MACO1: variants seen among roughly 807,000 people sequenced by gnomAD.
MACO1 encodes macoilin 1, also known as macoilin.
A neutral mutation model predicts 78.7 loss-of-function variants in MACO1; 14 were observed. The ratio of observed to expected loss-of-function variants is 0.18; its 90% CI spans 0.12 to 0.28. The LOEUF (loss-of-function observed/expected upper bound fraction) is 0.28, where lower values mean the gene tolerates loss of function less well. MACO1 is among the 10% of genes least tolerant of loss of function. The probability of loss-of-function intolerance (pLI) is 1.00; values close to 1 mark genes in which losing one functional copy is unlikely to be tolerated. For synonymous variants in MACO1, 288 were observed against 291.6 expected, an observed-to-expected ratio of 0.99 and a Z score of 0.12; for missense variants, 501 against 799.0, an observed-to-expected ratio of 0.63 and a Z score of 4.50.
rs367979747 is a variant in MACO1, at chr1:25,454,490, T to A, written c.473+108T>A. ...TGTGTGTATATATATATATATATAT[T>A]TTTTTTTTTTTTAGACGGAGTCTTG... On this transcript the variant is annotated intron_variant, in intron 4 of 10. Coordinates refer to ENST00000374343, the MANE Select transcript of MACO1 (RefSeq NM_018202.6). 1,101 of 139,200 alleles carry A rather than the reference T, an allele frequency of 7.9e-3. 22 individuals carry two copies. The highest frequency in any genetic ancestry group is 0.033 in the African/African-American group (802 of 24,652). The allele number at this position is 139,200 out of a possible 1,614,324, so 8.6% of individuals were successfully genotyped here.
At chr1:25,450,756 C>T (rs573318641) in intron 3 of MACO1, among the ~76,000 whole-genome samples, 45 of 152,146 alleles carry the variant, frequency 3.0e-4, no homozygotes, top group Non-Finnish European at 4.7e-4. Flanking sequence ...AGTGATTTTT[C>T]TTCCCACCAG....
intron 10 of MACO1, 120 bp from the exon 11 acceptor site, chr1:25,498,144 A>C (rs2043554030): frequency 2.0e-6 from 2 of 976,088 alleles, no homozygotes; most frequent in East Asian, 4.9e-5. Flanking sequence ...GCCTGCTCTT[A>C]TAAATCACTG....
chr1:25,487,812 A>G (rs1332383228), intron 8 of MACO1, among the ~76,000 whole-genome samples: 1 of 152,136 alleles, frequency 6.6e-6, no homozygotes, highest in Non-Finnish European at 1.5e-5. Flanking sequence ...GTATTGTCTC[A>G]AGTCTCATGG....
chr1:25,446,515 T>C (rs1263311253), intron 1 of MACO1, among the ~76,000 whole-genome samples: 1 of 152,200 alleles, frequency 6.6e-6, no homozygotes, highest in Admixed American at 6.5e-5. Flanking sequence ...ATGGTTTTTT[T>C]CCATCTTAAG....
intron 1 of MACO1, among the ~76,000 whole-genome samples, chr1:25,444,291 G>A (rs1003037401): frequency 2.0e-5 from 3 of 151,592 alleles, no homozygotes; most frequent in African/African-American, 7.3e-5. Context: ...AAGAGATGGG[G>A]GTCTCACTTT....
chr1:25,485,859 G>C lies in MACO1; in HGVS notation c.1496+64G>C. ...CTTTCCTTTACCAACAAAGACATGG[G>C]AATTTGGTGCCTTGGGCAGGATTGG... On this transcript the variant is annotated intron_variant, in intron 8 of 10. Transcript: ENST00000374343. The surrounding 1 kb of genome is among the most constrained non-coding windows in gnomAD (Gnocchi z 4.3). The C allele has an allele frequency of 6.5e-7, 1 of 1,538,784 alleles. No individual in the cohort carries two copies. Among genetic ancestry groups the C allele is most frequent in the East Asian group, 2.3e-5 (1 of 44,352 alleles).
At chr1:25,433,379 A>G (rs1396507299) in intron 1 of MACO1, among the ~76,000 whole-genome samples, 1 of 152,212 alleles carries the variant, frequency 6.6e-6, no homozygotes, top group African/African-American at 2.4e-5. Context: ...TTGAGGATTC[A>G]TGAATATCAA....
At position 25,489,241 on chromosome 1, in the gene MACO1, T is replaced by C. The variant is rs369878837; in HGVS notation, c.1565T>C (p.Met522Thr). Reference protein sequence around the residue: ...ELEAEGKKLTMDMKVKEDQIR... With the variant: ...ELEAEGKKLTTDMKVKEDQIR... ...GAAGCAGAGGGCAAGAAGCTCACGATGGACATGAAGGTGAAAGAAGACCAA... is the reference window on the plus strand; with the variant it reads ...GAAGCAGAGGGCAAGAAGCTCACGACGGACATGAAGGTGAAAGAAGACCAA... The change falls in exon 9 of 11, where the codon ATG becomes ACG. Residue 522 changes from methionine (M) to threonine (T), a missense_variant. Around this residue, in one of 5 missense-constraint regions of MACO1, gnomAD observed 163 missense variants for 271.9 expected, o/e 0.60. Transcript: ENST00000374343. 6.8e-5 allele frequency: 110 copies of C among 1,614,008 alleles called. No individual in the cohort carries two copies. Among genetic ancestry groups the C allele is most frequent in the Non-Finnish European group, 9.2e-5 (109 of 1,180,006 alleles).
chr1:25,459,913 G>T (rs1243336304), intron 6 of MACO1, among the ~76,000 whole-genome samples: 1 of 152,122 alleles, frequency 6.6e-6, no homozygotes, highest in African/African-American at 2.4e-5. Flanking sequence ...GATCTAAACT[G>T]GAGCTTTTTT....
chr1:25,437,136 CTT>C (rs35287453), intron 1 of MACO1, among the ~76,000 whole-genome samples: 7,389 of 136,580 alleles, frequency 0.054, 563 homozygotes, highest in African/African-American at 0.19. Flanking sequence ...CTTCAAAACA[CTT>C]TTTTTTTTTT....
At chr1:25,458,150 A>G (rs2043139252) in intron 5 of MACO1, among the ~76,000 whole-genome samples, 1 of 152,226 alleles carries the variant, frequency 6.6e-6, no homozygotes, top group African/African-American at 2.4e-5. Flanking sequence ...CATCATTTTC[A>G]TAAATGATGA....
chr1:25,448,282 G>C (rs1186081602), intron 2 of MACO1, among the ~76,000 whole-genome samples: 1 of 152,112 alleles, frequency 6.6e-6, no homozygotes, highest in Non-Finnish European at 1.5e-5. Context: ...AGCTAACATG[G>C]TGAAACCCTG....
In MACO1 at chr1:25,453,692, T is replaced by G. The variant is rs542090525; in HGVS notation, c.350-567T>G. ...AAAAAAAAAAAAAAAGAAGTGGAAT[T>G]TCTGGGTAAAAGAAAGGTACAAGTA... On this transcript the variant is annotated intron_variant, in intron 3 of 10. Coordinates refer to ENST00000374343, the MANE Select transcript of MACO1 (RefSeq NM_018202.6). Among the ~76,000 whole-genome samples the G allele has an allele frequency of 5.3e-3, 800 of 151,374 alleles. 10 individuals carry two copies. Among genetic ancestry groups the G allele is most frequent in the African/African-American group, 0.019 (769 of 41,276 alleles).
At chr1:25,444,830 C>A (rs1571953770) in intron 1 of MACO1, among the ~76,000 whole-genome samples, 1 of 151,866 alleles carries the variant, frequency 6.6e-6, no homozygotes, top group Non-Finnish European at 1.5e-5. Flanking sequence ...CCTTGGCCAC[C>A]CAAAGTGTTG....
intron 6 of MACO1, among the ~76,000 whole-genome samples, chr1:25,459,471 C>T (rs1425558716): frequency 6.9e-6 from 1 of 144,298 alleles, no homozygotes; most frequent in Non-Finnish European, 1.5e-5. Context: ...TTGCTTTTCT[C>T]ATTTTAATTA....
At chr1:25,435,468 C>G (rs2042912011) in intron 1 of MACO1, among the ~76,000 whole-genome samples, 1 of 152,102 alleles carries the variant, frequency 6.6e-6, no homozygotes, top group African/African-American at 2.4e-5. Flanking sequence ...TCCCAATTTC[C>G]TTTTTCAGAC....
At chr1:25,474,214 A>G (rs2043299589) in intron 6 of MACO1, among the ~76,000 whole-genome samples, 1 of 152,182 alleles carries the variant, frequency 6.6e-6, no homozygotes, top group Non-Finnish European at 1.5e-5. Flanking sequence ...AGATGCTGAA[A>G]ATATCTTTAC....
At chr1:25,448,746 G>A (rs2043038365) in intron 2 of MACO1, 62 bp from the exon 3 acceptor site, 1 of 1,398,096 alleles carries the variant, frequency 7.2e-7, no homozygotes. Context: ...GTTTAACAAT[G>A]TGTGGTTGAA....
intron 1 of MACO1, among the ~76,000 whole-genome samples, chr1:25,446,508 G>GT (rs918017296): frequency 3.9e-5 from 6 of 152,022 alleles, no homozygotes; most frequent in African/African-American, 4.8e-5. Flanking sequence ...GATTTAAATG[G>GT]TTTTTTTCCA....
Sources: allele counts gnomAD v4.1 joint callset (sites outside exome capture counted in the v4.1 genomes callset), GRCh38; gene constraint gnomAD v4.1.1; regional missense constraint gnomAD v4.1.1; non-coding constraint Gnocchi (gnomAD v3.1); transcripts MANE v1.5; gene names NCBI Gene and HGNC (gene_info 2026-07-23, HGNC 2026-07-21).